The following CLEC16A variants were observed in gnomAD, a reference collection of about 807,000 sequenced individuals.
The protein encoded by CLEC16A is C-type lectin domain containing 16A, also known as protein CLEC16A.
A neutral mutation model predicts 109.5 loss-of-function variants in CLEC16A; 51 were observed. The observed-to-expected ratio is 0.47, with a 90% CI of 0.37 to 0.59. CLEC16A has a LOEUF of 0.59. Among genes scored for constraint, CLEC16A ranks in the 20% least tolerant of loss-of-function variants. The pLI, the probability that CLEC16A is intolerant of heterozygous loss-of-function variation, is 0.00. For synonymous variants in CLEC16A, 673 were observed against 564.2 expected (o/e 1.19, Z -2.73); for missense variants, 1,339 against 1,394.0 (o/e 0.96, Z 0.63).
intron 19 of CLEC16A, among the ~76,000 whole-genome samples, chr16:11,109,189 G>A (rs1035222928): frequency 6.8e-6 from 1 of 146,954 alleles, no homozygotes; most frequent in African/African-American, 2.5e-5. Context: ...TTTATTAGAT[G>A]GAGTCTCACT....
chr16:11,128,383 G>C (rs780404092), intron 22 of CLEC16A, among the ~76,000 whole-genome samples: 2 of 152,214 alleles, frequency 1.3e-5, no homozygotes, highest in African/African-American at 4.8e-5. Context: ...CTGCCTGCCG[G>C]GGTGGTTGGC....
At chr16:11,169,528 C>G (rs1002804230) in intron 23 of CLEC16A, among the ~76,000 whole-genome samples, 3 of 152,182 alleles carry the variant, frequency 2.0e-5, no homozygotes, top group African/African-American at 4.8e-5. Flanking sequence ...CTCAAGTGAT[C>G]CACCCACCTC....
At chr16:10,960,172 T>G (rs1326895999) in intron 2 of CLEC16A, among the ~76,000 whole-genome samples, 2 of 152,208 alleles carry the variant, frequency 1.3e-5, no homozygotes, top group African/African-American at 4.8e-5. Context: ...GAAACTGACA[T>G]TGGTACAGTA....
intron 13 of CLEC16A, among the ~76,000 whole-genome samples, chr16:11,038,432 T>G (rs1290289148): frequency 6.6e-6 from 1 of 152,196 alleles, no homozygotes; most frequent in African/African-American, 2.4e-5. Flanking sequence ...TAAGTGTATT[T>G]TTGAAGAGCC....
At chr16:11,028,643 C>T (rs1404315700) in intron 13 of CLEC16A, among the ~76,000 whole-genome samples, 2 of 151,450 alleles carry the variant, frequency 1.3e-5, no homozygotes, top group East Asian at 1.9e-4. Context: ...TTTAAACTAA[C>T]GTACCATAAA....
intron 2 of CLEC16A, 99 bp downstream of exon 2, chr16:10,958,009 G>A (rs528824296): frequency 4.9e-5 from 61 of 1,236,744 alleles, no homozygotes; most frequent in Middle Eastern, 4.1e-4. Flanking sequence ...AGGATTTGAC[G>A]CTAATTTGAT....
At chr16:11,037,459 C>T (rs945090960) in intron 13 of CLEC16A, among the ~76,000 whole-genome samples, 4 of 152,280 alleles carry the variant, frequency 2.6e-5, no homozygotes, top group South Asian at 2.1e-4. Flanking sequence ...CTTCCCTTCA[C>T]GGAGAGTTGA....
intron 7 of CLEC16A, 147 bp downstream of exon 7, chr16:10,973,208 G>T: frequency 1.1e-6 from 1 of 894,154 alleles, no homozygotes; most frequent in Non-Finnish European, 1.6e-6. Flanking sequence ...AAAAGGTCCT[G>T]CTCACCTATT....
Position 11,020,700 on chromosome 16 carries a change from T to A in CLEC16A, c.1436+375T>A, listed in dbSNP as rs1001274646. On this transcript the variant is annotated intron_variant, in intron 12 of 23. Coordinates refer to ENST00000409790, the MANE Select transcript of CLEC16A (RefSeq NM_015226.3). The stretch of plus-strand genomic sequence containing the variant: ...GCTGGGCTTGGATCTCCCTGCCTGG[T>A]TCATTCCCTGCCCTGCACACACAAA... Among the ~76,000 whole-genome samples the A allele has an allele frequency of 2.6e-5, 4 of 152,352 alleles. 1 individual carries two copies. The highest frequency in any genetic ancestry group is 6.8e-3 in the Middle Eastern group (2 of 294).
intron 22 of CLEC16A, among the ~76,000 whole-genome samples, chr16:11,130,667 G>A (rs1278150601): frequency 3.3e-5 from 5 of 152,226 alleles, no homozygotes; most frequent in Non-Finnish European, 7.3e-5. Flanking sequence ...TCAAGGGCCC[G>A]TGGGTGCTGG....
rs763959400 is a variant in CLEC16A, at chr16:11,166,401, C to T, written c.2655C>T (p.Ala885=). The change falls in exon 23 of 24, where the codon GCC becomes GCT. Residue 885 remains alanine (A), a synonymous_variant. Transcript: ENST00000409790. ...SVDKVPGFAV[A]QCINQHSSPS... is the part of the protein sequence containing the mutation. ...TTTGTCTTGCAGGCTTCGCCGTGGCCCAGTGCATAAACCAGCACAGCTCCC... is the reference window on the plus strand; with the variant it reads ...TTTGTCTTGCAGGCTTCGCCGTGGCTCAGTGCATAAACCAGCACAGCTCCC... The T allele has an allele frequency of 6.2e-7, 1 of 1,602,020 alleles. No individual in the cohort carries two copies. Among genetic ancestry groups the T allele is most frequent in the Non-Finnish European group, 8.5e-7 (1 of 1,178,186 alleles).
chr16:11,103,553 C>T (rs1233109421), intron 19 of CLEC16A, among the ~76,000 whole-genome samples: 1 of 152,122 alleles, frequency 6.6e-6, no homozygotes, highest in Non-Finnish European at 1.5e-5. Flanking sequence ...GCACTCCAGC[C>T]TGGGCAACAC....
At chr16:10,979,300 T>A in intron 8 of CLEC16A, 29 bp from the exon 9 acceptor site, 2 of 1,604,204 alleles carry the variant, frequency 1.2e-6, no homozygotes, top group Non-Finnish European at 1.7e-6. Flanking sequence ...ACCTGATCTC[T>A]CTCTCTCTCT....
chr16:10,982,457 C>T (rs559325404), intron 9 of CLEC16A, among the ~76,000 whole-genome samples: 1 of 152,216 alleles, frequency 6.6e-6, no homozygotes, highest in Non-Finnish European at 1.5e-5. Flanking sequence ...AACTCTCCGG[C>T]CCCTTCTTCT....
At chr16:11,145,131 G>A (rs79523947) in intron 22 of CLEC16A, among the ~76,000 whole-genome samples, 1 of 152,278 alleles carries the variant, frequency 6.6e-6, no homozygotes, top group Non-Finnish European at 1.5e-5. Flanking sequence ...ACGTGGGAAT[G>A]GCCCCTGCTC....
intron 13 of CLEC16A, among the ~76,000 whole-genome samples, chr16:11,027,998 C>T (rs901567324): frequency 4.6e-5 from 7 of 152,084 alleles, no homozygotes; most frequent in African/African-American, 1.2e-4. Context: ...GTTGGGAGTT[C>T]GAGACCAGCC....
intron 10 of CLEC16A, among the ~76,000 whole-genome samples, chr16:11,002,599 G>C (rs1402168504): frequency 1.3e-5 from 2 of 152,126 alleles, no homozygotes; most frequent in East Asian, 3.8e-4. Context: ...TCCATCACTG[G>C]AGTAATGCGC....
At chr16:11,049,601 C>T (rs931166556) in intron 17 of CLEC16A, among the ~76,000 whole-genome samples, 3 of 152,248 alleles carry the variant, frequency 2.0e-5, no homozygotes, top group Non-Finnish European at 2.9e-5. Context: ...AATCAGTCCT[C>T]AGCCTTCAGG....
chr16:10,990,488 G>A lies in CLEC16A; in HGVS notation c.1071+7497G>A, dbSNP rs114420243. Among the ~76,000 whole-genome samples, 231 of 152,356 alleles carry A rather than the reference G, an allele frequency of 1.5e-3. 2 individuals carry two copies. Among genetic ancestry groups the A allele is most frequent in the African/African-American group, 5.2e-3 (216 of 41,586 alleles). On this transcript the variant is annotated intron_variant, in intron 10 of 23. Coordinates refer to ENST00000409790, the MANE Select transcript of CLEC16A (RefSeq NM_015226.3). ...AAGGGAGCAGGCTTTAGCCAGGGCC[G>A]CGGGTGACTGTGACCAAAGGCCCGG...
Sources: gnomAD v4.1 joint callset for allele counts (sites outside exome capture counted in the v4.1 genomes callset) on GRCh38, gnomAD v4.1.1 for gene constraint, MANE v1.5 for transcripts, NCBI Gene and HGNC (gene_info 2026-07-23, HGNC 2026-07-21) for gene names.